Variants in LYRM4 observed in about 807,000 individuals in gnomAD.
LYRM4 encodes the protein LYR motif containing 4.
In LYRM4, 9 loss-of-function variants were observed where a neutral mutation model predicts 11.7. That is an observed-to-expected ratio of 0.77 (90% CI 0.46 to 1.34). The LOEUF is 1.34. Among genes scored for constraint, LYRM4 ranks in the 40% most tolerant of loss-of-function variants. The pLI, the probability that LYRM4 is intolerant of heterozygous loss-of-function variation, is 0.00. For synonymous variants in LYRM4, 42 were observed against 40.4 expected (o/e 1.04, Z -0.15); for missense variants, 133 against 112.5 (o/e 1.18, Z -0.82).
rs1003499781 is a variant in LYRM4, at chr6:5,174,399, A to C, written c.207+42219T>G. Among the ~76,000 whole-genome samples the C allele has an allele frequency of 2.6e-5, 4 of 152,296 alleles. No homozygotes were observed. In the East Asian group the frequency reaches 7.7e-4, roughly 29 times the overall value. ...TGTGGTTGAAATGAGGACTATATGC[A>C]TCTGTCCTGCTTCCGGCTCCAACCA... On this transcript the variant is annotated intron_variant, in intron 2 of 2. Transcript: ENST00000330636.
chr6:5,205,833 C>G (rs1242624022), intron 2 of LYRM4, among the ~76,000 whole-genome samples: 3 of 152,154 alleles, frequency 2.0e-5, no homozygotes, highest in East Asian at 3.9e-4. Flanking sequence ...TATCTATAAC[C>G]TATCACCTGT....
intron 1 of LYRM4, among the ~76,000 whole-genome samples, chr6:5,225,520 T>A (rs1762835172): frequency 6.6e-6 from 1 of 152,230 alleles, no homozygotes; most frequent in Admixed American, 6.5e-5. Flanking sequence ...ATCTTAGTGA[T>A]CATTTGATAA....
intron 1 of LYRM4, among the ~76,000 whole-genome samples, chr6:5,217,927 T>C (rs1398767996): frequency 6.6e-6 from 1 of 152,084 alleles, no homozygotes; most frequent in Non-Finnish European, 1.5e-5. Flanking sequence ...TTTTTTTTTC[T>C]TTTTTAGAGA....
At chr6:5,251,036 T>C (rs1764406255) in intron 1 of LYRM4, among the ~76,000 whole-genome samples, 1 of 152,222 alleles carries the variant, frequency 6.6e-6, no homozygotes, top group South Asian at 2.1e-4. Context: ...CTATTTCAAT[T>C]TGCATGCTTC....
At chr6:5,085,418 C>T in the LYRM4 span, 2 of 1,199,196 alleles carry the variant, frequency 1.7e-6, no homozygotes, top group Non-Finnish European at 2.3e-6. Context: ...CTTCCACGGC[C>T]CGAGGAGTTA....
chr6:5,150,469 C>A (rs2143693), intron 2 of LYRM4, among the ~76,000 whole-genome samples: 113,533 of 152,034 alleles, frequency 0.75, 42,564 homozygotes, highest in East Asian at 0.93. Context: ...ACTTTCTATG[C>A]AAATGGGATA....
At chr6:5,138,997 C>T (rs1340757500) in intron 2 of LYRM4, among the ~76,000 whole-genome samples, 1 of 152,168 alleles carries the variant, frequency 6.6e-6, no homozygotes, top group Non-Finnish European at 1.5e-5. Context: ...AATTTGATCT[C>T]AAAAGAAGAG....
At chr6:5,082,696 T>C in the LYRM4 span, among the ~76,000 whole-genome samples, 2 of 152,248 alleles carry the variant, frequency 1.3e-5, no homozygotes, top group African/African-American at 4.8e-5. Context: ...CAGAATGATC[T>C]TTTCAAAATT....
chr6:5,229,387 T>C (rs1229685011), intron 1 of LYRM4, among the ~76,000 whole-genome samples: 1 of 152,158 alleles, frequency 6.6e-6, no homozygotes, highest in African/African-American at 2.4e-5. Context: ...CCAGCTGTGG[T>C]TGATGCCCAG....
At chr6:5,187,005 A>T in intron 2 of LYRM4, 1 of 938,034 alleles carries the variant, frequency 1.1e-6, no homozygotes, top group Non-Finnish European at 1.3e-6. Flanking sequence ...AAAATTGTCT[A>T]TAAAAGAATA....
At chr6:5,190,645 A>G (rs1656737052) in intron 2 of LYRM4, among the ~76,000 whole-genome samples, 1 of 152,066 alleles carries the variant, frequency 6.6e-6, no homozygotes, top group Non-Finnish European at 1.5e-5. Flanking sequence ...ATTACAATGG[A>G]GCTGAAAAAT....
chr6:5,032,591 T>A, the LYRM4 span: 1 of 152,204 alleles, frequency 6.6e-6, no homozygotes, highest in Non-Finnish European at 1.5e-5. Flanking sequence ...TCTCAATAAT[T>A]TTGTCACATT....
At chr6:5,144,703 T>C (rs1757614586) in intron 2 of LYRM4, among the ~76,000 whole-genome samples, 1 of 141,062 alleles carries the variant, frequency 7.1e-6, no homozygotes, top group African/African-American at 2.6e-5. Context: ...ATCAGTTAGC[T>C]ACCCATGGCC....
intron 2 of LYRM4, among the ~76,000 whole-genome samples, chr6:5,190,989 TTAAGAGCA>T (rs1442110532): frequency 6.6e-6 from 1 of 152,204 alleles, no homozygotes; most frequent in African/African-American, 2.4e-5. Flanking sequence ...CTCATGTGCC[TTAAGAGCA>T]TAAGAGCATA....
intron 2 of LYRM4, among the ~76,000 whole-genome samples, chr6:5,161,173 A>G (rs1758737771): frequency 6.6e-6 from 1 of 152,216 alleles, no homozygotes; most frequent in Non-Finnish European, 1.5e-5. Context: ...TAGATTTTTA[A>G]AATTAAATAA....
chr6:5,061,381 C>T, the LYRM4 span, among the ~76,000 whole-genome samples: 19 of 152,254 alleles, frequency 1.2e-4, no homozygotes, highest in Middle Eastern at 3.4e-3. Context: ...AATAGCAAAA[C>T]GATGATTTCA....
At chr6:5,227,563 C>T (rs1762965718) in intron 1 of LYRM4, among the ~76,000 whole-genome samples, 1 of 152,138 alleles carries the variant, frequency 6.6e-6, no homozygotes, top group Admixed American at 6.5e-5. Flanking sequence ...GGAAATTCCC[C>T]AAGGAATTTG....
the LYRM4 span, chr6:5,033,194 C>G: frequency 1.3e-5 from 2 of 150,488 alleles, no homozygotes; most frequent in Non-Finnish European, 3.0e-5. Context: ...CCCTCCCACC[C>G]CACATACTGC....
the LYRM4 span, chr6:5,054,068 A>T: frequency 3.1e-6 from 3 of 963,644 alleles, no homozygotes; most frequent in Non-Finnish European, 3.7e-6. Context: ...TAGCTTAATT[A>T]GCCTCTTACC....
Sources: allele counts gnomAD v4.1 joint callset (sites outside exome capture counted in the v4.1 genomes callset), GRCh38; gene constraint gnomAD v4.1.1; transcripts MANE v1.5; gene names NCBI Gene and HGNC (gene_info 2026-07-23, HGNC 2026-07-21).